The following C4orf36 variants were observed in gnomAD, a reference collection of about 807,000 sequenced individuals.
C4orf36 encodes uncharacterized protein C4orf36.
C4orf36 carries 11 observed loss-of-function variants against 12.2 expected under a neutral mutation model. The ratio of observed to expected loss-of-function variants is 0.90; its 90% confidence interval spans 0.57 to 1.49. The LOEUF (loss-of-function observed/expected upper bound fraction) is 1.49, where lower values mean the gene tolerates loss of function less well. Among genes scored for constraint, C4orf36 ranks in the 40% most tolerant of loss-of-function variants. The pLI is 0.00. For missense variants in C4orf36, 137 were observed against 133.9 expected (o/e 1.02, Z -0.11); for synonymous variants, 54 against 51.3 (o/e 1.05, Z -0.22).
At chr4:86,913,133 T>C in the C4orf36 span, 1 of 207,902 alleles carries the variant, frequency 4.8e-6, no homozygotes, top group Non-Finnish European at 9.6e-6. Flanking sequence ...CAAAACCACA[T>C]GGTATTGGCG....
the C4orf36 span, among the ~76,000 whole-genome samples, chr4:86,928,069 C>T: frequency 6.6e-6 from 1 of 152,224 alleles, no homozygotes; most frequent in Non-Finnish European, 1.5e-5. Flanking sequence ...AACTGTGTGA[C>T]GTTAGGCAGT....
the C4orf36 span, chr4:86,914,353 C>G: frequency 1.0e-6 from 1 of 967,654 alleles, no homozygotes; most frequent in Middle Eastern, 2.6e-4. Context: ...TCCTTGAGTT[C>G]ATGAGCTTTC....
chr4:86,916,095 A>G, the C4orf36 span, among the ~76,000 whole-genome samples: 1 of 152,232 alleles, frequency 6.6e-6, no homozygotes, highest in African/African-American at 2.4e-5. Context: ...CTAGGAAAGT[A>G]ATACATCTAC....
the C4orf36 span, among the ~76,000 whole-genome samples, chr4:86,900,185 G>GCCA: frequency 0.38 from 57,606 of 151,526 alleles, 11,787 homozygotes; most frequent in Non-Finnish European, 0.45. Context: ...ACAGGCGCCT[G>GCCA]CCACACCTGG....
the C4orf36 span, chr4:86,914,009 T>A: frequency 4.4e-6 from 7 of 1,603,002 alleles, no homozygotes; most frequent in African/African-American, 9.4e-5. Context: ...TGAAGTCACA[T>A]GATCCTGCTG....
At chr4:86,918,847 G>C in the C4orf36 span, among the ~76,000 whole-genome samples, 1 of 151,970 alleles carries the variant, frequency 6.6e-6, no homozygotes, top group African/African-American at 2.4e-5. Flanking sequence ...ACGTGATATG[G>C]GGAGATTTAT....
At chr4:86,902,304 C>T in the C4orf36 span, among the ~76,000 whole-genome samples, 1 of 151,296 alleles carries the variant, frequency 6.6e-6, no homozygotes, top group South Asian at 2.1e-4. Context: ...TGCACCTGTT[C>T]CCAGCTACTC....
chr4:86,922,214 C>A, the C4orf36 span, among the ~76,000 whole-genome samples: 2 of 152,276 alleles, frequency 1.3e-5, no homozygotes, highest in East Asian at 1.9e-4. Flanking sequence ...AAATAATTTT[C>A]ATTTCTATGA....
chr4:86,906,726 C>T, the C4orf36 span, among the ~76,000 whole-genome samples: 934 of 49,730 alleles, frequency 0.019, 18 homozygotes, highest in African/African-American at 0.053. Flanking sequence ...GCAAGACGGT[C>T]TCAAAAAAAA....
the C4orf36 span, among the ~76,000 whole-genome samples, chr4:86,904,485 G>C: frequency 6.6e-6 from 1 of 151,460 alleles, no homozygotes; most frequent in Non-Finnish European, 1.5e-5. Flanking sequence ...AGGAGGCTGA[G>C]GCAGGGTAAT....
chr4:86,927,724 G>A, the C4orf36 span, among the ~76,000 whole-genome samples: 9 of 152,086 alleles, frequency 5.9e-5, no homozygotes, highest in African/African-American at 1.4e-4. Flanking sequence ...GCTTGAACCC[G>A]GGAGGTGGAG....
In C4orf36 at chr4:86,892,003, AC is replaced by A. The variant is rs1220938437; in HGVS notation, c.-74+179del. ...CTTCCCAGGTTTTCCCTCATTCAAA[AC>A]ACTCAGCACCACTCCCGCGTCCCCG... is the stretch of plus-strand genomic sequence containing the variant. On this transcript the variant is annotated intron_variant, in intron 1 of 4. Transcript: ENST00000295898. 8 of 988,320 alleles carry A rather than the reference AC, an allele frequency of 8.1e-6. No homozygotes were observed. The East Asian group carries it at 9.0e-4, about 111-fold the overall frequency. The allele number at this position is 988,320 out of a possible 1,614,324, so 61.2% of individuals were successfully genotyped here.
chr4:86,902,597 A>G, the C4orf36 span, among the ~76,000 whole-genome samples: 1 of 152,108 alleles, frequency 6.6e-6, no homozygotes, highest in Non-Finnish European at 1.5e-5. Flanking sequence ...GTACCTTGGG[A>G]AACTAATACA....
Position 86,887,823 on chromosome 4 carries a change from C to G in C4orf36, c.291G>C (p.Lys97Asn), listed in dbSNP as rs2149421768. Residue 97 changes from lysine to asparagine, a missense_variant, in exon 4 of 5, where the codon AAG (lysine) becomes AAC (asparagine). By Grantham distance (94) the Lys-to-Asn change is moderately conservative. Transcript: ENST00000295898. ...TTTCCCTCAGGAGAAGCTGAATTTC[C>G]TTAGATGTATTTTCTTGACACTTCA... is the stretch of plus-strand genomic sequence containing the variant. ...CKLKCQENTS[K>N]EIQLLLRERP... is the part of the protein sequence containing the mutation. The G allele has an allele frequency of 6.2e-7, 1 of 1,614,190 alleles. No individual in the cohort carries two copies. Among genetic ancestry groups the G allele is most frequent in the East Asian group, 2.2e-5 (1 of 44,878 alleles).
the C4orf36 span, among the ~76,000 whole-genome samples, chr4:86,921,394 G>A: frequency 6.6e-6 from 1 of 152,144 alleles, no homozygotes; most frequent in East Asian, 1.9e-4. Flanking sequence ...GGTAGCAGAA[G>A]GTCATAAATA....
At chr4:86,877,084 G>A (rs1369928594) in intron 4 of C4orf36, among the ~76,000 whole-genome samples, 2 of 152,138 alleles carry the variant, frequency 1.3e-5, no homozygotes, top group East Asian at 3.8e-4. Flanking sequence ...GTGGGATGTG[G>A]ACTACAAAAA....
the C4orf36 span, chr4:86,926,322 G>A: frequency 6.6e-6 from 1 of 152,256 alleles, no homozygotes; most frequent in African/African-American, 2.4e-5. Context: ...GAAGAGACTT[G>A]GAACCTGCAA....
intron 2 of C4orf36, among the ~76,000 whole-genome samples, chr4:86,891,119 G>A (rs1432448649): frequency 6.6e-6 from 1 of 152,074 alleles, no homozygotes; most frequent in Non-Finnish European, 1.5e-5. Flanking sequence ...TTTTAAAGTT[G>A]TGGGTGGAAG....
upstream of C4orf36, among the ~76,000 whole-genome samples, chr4:86,894,564 G>T (rs1747549874): frequency 6.6e-6 from 1 of 152,174 alleles, no homozygotes; most frequent in Admixed American, 6.5e-5. Context: ...GGCCACACCA[G>T]AAGAGGTCAA....
Sources: allele counts gnomAD v4.1 joint callset (sites outside exome capture counted in the v4.1 genomes callset), GRCh38; gene constraint gnomAD v4.1.1; transcripts MANE v1.5; gene names NCBI Gene and HGNC (gene_info 2026-07-23, HGNC 2026-07-21).